PARD3B: variants seen among roughly 807,000 people sequenced by gnomAD.
PARD3B encodes the protein par-3 family cell polarity regulator beta.
PARD3B carries 103 observed loss-of-function variants against 130.2 expected under a neutral mutation model. The observed-to-expected ratio is 0.79, with a 90% CI of 0.67 to 0.93. The LOEUF (loss-of-function observed/expected upper bound fraction) is 0.93. PARD3B is among the 40% of genes least tolerant of loss of function. The pLI, the probability that PARD3B is intolerant of heterozygous loss-of-function variation, is 0.00. For synonymous variants in PARD3B, 583 were observed against 553.2 expected, an observed-to-expected ratio of 1.05 and a Z score of -0.76; for missense variants, 1,609 against 1,499.2, an observed-to-expected ratio of 1.07 and a Z score of -1.21.
intron 10 of PARD3B, among the ~76,000 whole-genome samples, chr2:205,129,960 C>T (rs1188021632): frequency 6.6e-6 from 1 of 152,170 alleles, no homozygotes; most frequent in Non-Finnish European, 1.5e-5. Flanking sequence ...AATTGATTAA[C>T]GTCCCAAGTT....
At chr2:204,945,049 AGT>A (rs1164773982) in intron 2 of PARD3B, among the ~76,000 whole-genome samples, 3 of 152,200 alleles carry the variant, frequency 2.0e-5, no homozygotes, top group Non-Finnish European at 4.4e-5. Flanking sequence ...ATTTTTGCAT[AGT>A]GTGTCTGTTT....
intron 15 of PARD3B, among the ~76,000 whole-genome samples, chr2:205,219,367 T>G (rs1300005164): frequency 6.6e-6 from 1 of 152,160 alleles, no homozygotes; most frequent in Non-Finnish European, 1.5e-5. Context: ...AATGGTTGTG[T>G]GCTCTGAAAT....
intron 2 of PARD3B, among the ~76,000 whole-genome samples, chr2:204,925,608 G>A (rs551441042): frequency 1.3e-5 from 2 of 152,216 alleles, no homozygotes; most frequent in Admixed American, 6.5e-5. Context: ...TTTTCAGAAG[G>A]AATAAGCTAG....
chr2:205,119,061 A>T lies in PARD3B; in HGVS notation c.806+15A>T, dbSNP rs1559456948. 6.3e-7 allele frequency: 1 copy of T among 1,593,810 alleles called. No homozygotes were observed. Among genetic ancestry groups the T allele is most frequent in the Non-Finnish European group, 8.5e-7 (1 of 1,172,246 alleles). ...ACCTTTGCTCAGTAAGCATTTTTTC[A>T]TTGTTTTATTTACTTTCTTGATCCC... On this transcript the variant is annotated intron_variant, in intron 7 of 22. Transcript: ENST00000406610.
intron 19 of PARD3B, among the ~76,000 whole-genome samples, chr2:205,434,829 T>C (rs1013209936): frequency 2.4e-4 from 36 of 152,056 alleles, no homozygotes; most frequent in Non-Finnish European, 4.6e-4. Context: ...GTATTTAATG[T>C]TTTCAAAAAC....
intron 2 of PARD3B, among the ~76,000 whole-genome samples, chr2:204,720,612 C>G (rs761021394): frequency 2.6e-5 from 4 of 151,862 alleles, no homozygotes; most frequent in Admixed American, 1.3e-4. Context: ...AAGCAGAAGA[C>G]AAAAGCAAAA....
chr2:205,211,172 A>G (rs2037612317), intron 15 of PARD3B, among the ~76,000 whole-genome samples: 1 of 152,114 alleles, frequency 6.6e-6, no homozygotes, highest in Non-Finnish European at 1.5e-5. Flanking sequence ...CCAGAAGCCA[A>G]TATACTTGAC....
chr2:205,158,585 C>T lies in PARD3B; in HGVS notation c.1435-137C>T. The stretch of plus-strand genomic sequence containing the variant: ...GTGGAGAGCTAAACCCAGCCTTTGC[C>T]TGCCAGGAGCCGATTACAGCTGTGA... On this transcript the variant is annotated intron_variant, in intron 10 of 22. Coordinates refer to ENST00000406610, the MANE Select transcript of PARD3B (RefSeq NM_001302769.2). This position sits in a 1 kb window ranked among gnomAD's most constrained non-coding sequence, Gnocchi z 5.4. 2 of 866,620 alleles carry T rather than the reference C, an allele frequency of 2.3e-6. No individual in the cohort carries two copies. The highest frequency in any genetic ancestry group is 3.6e-6 in the Non-Finnish European group (2 of 561,218). 53.7% of individuals were successfully genotyped at this position (866,620 alleles called of 1,614,324 possible).
chr2:204,950,259 A>T (rs1048868499), intron 2 of PARD3B, among the ~76,000 whole-genome samples: 1 of 152,198 alleles, frequency 6.6e-6, no homozygotes, highest in Admixed American at 6.5e-5. Flanking sequence ...GGAGAAATAA[A>T]TGAGATAATA....
chr2:205,512,340 T>TAA (rs2050618970), intron 21 of PARD3B, among the ~76,000 whole-genome samples: 1 of 152,222 alleles, frequency 6.6e-6, no homozygotes, highest in African/African-American at 2.4e-5. Context: ...GTAAATGATC[T>TAA]AAGAAGAAAG....
chr2:204,847,769 T>A (rs978508989), intron 2 of PARD3B, among the ~76,000 whole-genome samples: 1 of 152,168 alleles, frequency 6.6e-6, no homozygotes, highest in Non-Finnish European at 1.5e-5. Flanking sequence ...TGTTGGCAAT[T>A]TGAATATGCT....
intron 2 of PARD3B, among the ~76,000 whole-genome samples, chr2:204,839,434 A>G (rs1367911025): frequency 1.3e-5 from 2 of 152,144 alleles, no homozygotes; most frequent in Admixed American, 1.3e-4. Context: ...GACTTTTCCC[A>G]TTGATTAACT....
intron 1 of PARD3B, among the ~76,000 whole-genome samples, chr2:204,573,762 A>G (rs12622755): frequency 0.87 from 132,851 of 152,108 alleles, 58,277 homozygotes; most frequent in Middle Eastern, 0.94. Context: ...CTTTCATTTT[A>G]CCAGCAAAGA....
At chr2:205,398,036 C>T (rs1217275214) in intron 18 of PARD3B, among the ~76,000 whole-genome samples, 1 of 152,176 alleles carries the variant, frequency 6.6e-6, no homozygotes. Context: ...CAGTGGCTCA[C>T]ACCTGTAATC....
intron 18 of PARD3B, among the ~76,000 whole-genome samples, chr2:205,330,222 T>G (rs1310623530): frequency 6.6e-6 from 1 of 151,362 alleles, no homozygotes; most frequent in African/African-American, 2.4e-5. Flanking sequence ...GTGCCTGTAA[T>G]CCCAGCTACT....
intron 2 of PARD3B, among the ~76,000 whole-genome samples, chr2:204,794,892 C>T (rs945852892): frequency 1.3e-5 from 2 of 152,086 alleles, no homozygotes; most frequent in African/African-American, 4.8e-5. Context: ...CTGCTGTTTC[C>T]TCTCTCTAGA....
intron 10 of PARD3B, among the ~76,000 whole-genome samples, chr2:205,133,986 T>C (rs1377259578): frequency 6.6e-6 from 1 of 152,216 alleles, no homozygotes; most frequent in Non-Finnish European, 1.5e-5. Context: ...CCTTCTTCCT[T>C]TCCTCTTATC....
At chr2:205,472,016 G>A (rs1014401292) in intron 20 of PARD3B, among the ~76,000 whole-genome samples, 1 of 152,170 alleles carries the variant, frequency 6.6e-6, no homozygotes, top group Admixed American at 6.5e-5. Flanking sequence ...CTGTCTGCAC[G>A]TAGTGTGTTT....
intron 22 of PARD3B, among the ~76,000 whole-genome samples, chr2:205,561,820 A>G (rs147216219): frequency 6.6e-6 from 1 of 152,320 alleles, no homozygotes; most frequent in African/African-American, 2.4e-5. Context: ...ACATCTGCAT[A>G]TGACGGGGTT....
Sources: gnomAD v4.1 joint callset for allele counts (sites outside exome capture counted in the v4.1 genomes callset) on GRCh38, gnomAD v4.1.1 for gene constraint, Gnocchi (gnomAD v3.1) non-coding constraint, MANE v1.5 for transcripts, NCBI Gene and HGNC (gene_info 2026-07-23, HGNC 2026-07-21) for gene names.